Variants in PHF24 observed in about 807,000 individuals in gnomAD.
PHF24 encodes Galpha inhibitory interacting protein.
PHF24 carries 25 observed loss-of-function variants against 42.6 expected under a neutral mutation model. The observed-to-expected ratio is 0.59, with a 90% CI of 0.43 to 0.82. The LOEUF is 0.82. Among genes scored for constraint, PHF24 ranks in the 40% least tolerant of loss-of-function variants. PHF24 has a pLI of 0.00. For missense variants in PHF24, 470 were observed against 538.1 expected, an observed-to-expected ratio of 0.87 and a Z score of 1.25; for synonymous variants, 185 against 204.8, an observed-to-expected ratio of 0.90 and a Z score of 0.83.
the PHF24 span, among the ~76,000 whole-genome samples, chr9:34,807,949 T>C: frequency 0.021 from 3,169 of 152,296 alleles, 64 homozygotes; most frequent in East Asian, 0.073. Context: ...CAAATCTTCA[T>C]TAATAAAACA....
chr9:34,827,107 G>A, the PHF24 span, among the ~76,000 whole-genome samples: 1 of 152,116 alleles, frequency 6.6e-6, no homozygotes, highest in African/African-American at 2.4e-5. Flanking sequence ...CCTCAAGCAG[G>A]TAGGAGCCTG....
At chr9:34,855,408 G>A in the PHF24 span, among the ~76,000 whole-genome samples, 3 of 152,140 alleles carry the variant, frequency 2.0e-5, no homozygotes, top group Non-Finnish European at 2.9e-5. Flanking sequence ...TTAGTGGCTG[G>A]TAACAGTTTT....
the PHF24 span, among the ~76,000 whole-genome samples, chr9:34,899,269 C>T: frequency 3.3e-5 from 5 of 152,330 alleles, no homozygotes; most frequent in South Asian, 1.0e-3. Context: ...GATTATTCTT[C>T]ATTTGTTTCT....
At chr9:34,673,670 G>A in the PHF24 span, among the ~76,000 whole-genome samples, 1 of 150,630 alleles carries the variant, frequency 6.6e-6, no homozygotes, top group Non-Finnish European at 1.5e-5. Context: ...CGCCCAGGCT[G>A]GAGTGCAGTG....
At chr9:34,710,466 CTT>C in the PHF24 span, among the ~76,000 whole-genome samples, 11 of 117,406 alleles carry the variant, frequency 9.4e-5, no homozygotes, top group Admixed American at 1.9e-4. Flanking sequence ...TGTAAGAGTT[CTT>C]TTTTTTTTTT....
the PHF24 span, among the ~76,000 whole-genome samples, chr9:34,760,695 C>G: frequency 6.6e-6 from 1 of 152,220 alleles, no homozygotes; most frequent in Non-Finnish European, 1.5e-5. Context: ...CGTCTCGGCC[C>G]CGCCAGGGGT....
the PHF24 span, among the ~76,000 whole-genome samples, chr9:34,851,400 C>T: frequency 1.7e-3 from 259 of 152,204 alleles, 3 homozygotes; most frequent in East Asian, 0.023. Context: ...TAGGACCCTC[C>T]GAGCCAGGTG....
the PHF24 span, among the ~76,000 whole-genome samples, chr9:34,880,981 T>TA: frequency 4.6e-5 from 7 of 152,038 alleles, no homozygotes; most frequent in Admixed American, 1.3e-4. Flanking sequence ...TCAGCAAATG[T>TA]AAAAAAACAG....
the PHF24 span, among the ~76,000 whole-genome samples, chr9:34,895,321 C>CG: frequency 1.3e-5 from 2 of 152,054 alleles, no homozygotes; most frequent in Admixed American, 1.3e-4. Context: ...TTCATAAGTT[C>CG]GGTGGGGACT....
chr9:34,957,862 T>A (rs1038497209), upstream of PHF24, among the ~76,000 whole-genome samples: 1 of 145,712 alleles, frequency 6.9e-6, no homozygotes, highest in East Asian at 2.3e-4. Flanking sequence ...ACGCGAGCGG[T>A]GAGCGGCCCC....
chr9:34,775,285 A>T, the PHF24 span, among the ~76,000 whole-genome samples: 1 of 152,336 alleles, frequency 6.6e-6, no homozygotes, highest in South Asian at 2.1e-4. Flanking sequence ...TGATATAAGG[A>T]TACAAAAGGA....
At chr9:34,711,603 C>T in the PHF24 span, among the ~76,000 whole-genome samples, 8 of 148,874 alleles carry the variant, frequency 5.4e-5, no homozygotes, top group Middle Eastern at 3.6e-3. Context: ...AGTGCAGTGG[C>T]GTGATCTTGG....
At chr9:34,976,710 C>G in exon 5 of PHF24, 1 of 1,613,864 alleles carries the variant, frequency 6.2e-7, no homozygotes, top group Non-Finnish European at 8.5e-7. Flanking sequence ...CCCATGAGTC[C>G]CTCCTGCTTC....
chr9:34,942,386 C>G, the PHF24 span, among the ~76,000 whole-genome samples: 80 of 152,254 alleles, frequency 5.3e-4, 1 homozygote, highest in Non-Finnish European at 1.3e-4. Flanking sequence ...GATATGCCAA[C>G]AAACTTCTAA....
the PHF24 span, among the ~76,000 whole-genome samples, chr9:34,928,723 A>G: frequency 2.7e-4 from 41 of 152,296 alleles, 1 homozygote; most frequent in East Asian, 7.9e-3. Flanking sequence ...CAGCTGGTCT[A>G]TGTGTTGCCA....
chr9:34,952,204 A>C, the PHF24 span, among the ~76,000 whole-genome samples: 44 of 152,242 alleles, frequency 2.9e-4, no homozygotes, highest in Non-Finnish European at 5.6e-4. Context: ...TCCTAGAACT[A>C]ATATGTGAGT....
At chr9:34,917,532 G>A in the PHF24 span, 9 of 775,156 alleles carry the variant, frequency 1.2e-5, no homozygotes, top group Admixed American at 1.7e-5. Context: ...ACCTGTAAAC[G>A]GATAATCGAC....
chr9:34,814,343 T>A, the PHF24 span, among the ~76,000 whole-genome samples: 1 of 152,230 alleles, frequency 6.6e-6, no homozygotes, highest in African/African-American at 2.4e-5. Context: ...ATACTAGGGA[T>A]GCCAAGAATG....
chr9:34,677,436 G>A, the PHF24 span, among the ~76,000 whole-genome samples: 7 of 117,088 alleles, frequency 6.0e-5, no homozygotes, highest in Admixed American at 1.1e-4. Context: ...TCGCTCTGTC[G>A]CCCAGGCTGG....
Sources: allele counts gnomAD v4.1 joint callset (sites outside exome capture counted in the v4.1 genomes callset), GRCh38; gene constraint gnomAD v4.1.1; transcripts MANE v1.5; gene names NCBI Gene and HGNC (gene_info 2026-07-23, HGNC 2026-07-21).